Variants in CEP63 observed in about 807,000 individuals in gnomAD.
The protein encoded by CEP63 is centrosomal protein of 63 kDa.
Under a neutral mutation model 89.1 loss-of-function variants are expected in CEP63, and 84 were observed. The ratio of observed to expected loss-of-function variants is 0.94; its 90% CI spans 0.79 to 1.13. The LOEUF is 1.13. CEP63 is among the 50% of genes most tolerant of loss of function. The probability of loss-of-function intolerance (pLI) is 0.00; values close to 1 mark genes in which losing one functional copy is unlikely to be tolerated. For synonymous variants in CEP63, 267 were observed against 272.5 expected, an observed-to-expected ratio of 0.98 and a Z score of 0.20; for missense variants, 838 against 813.3, an observed-to-expected ratio of 1.03 and a Z score of -0.37.
chr3:134,757,419 GA>G, the CEP63 span, among the ~76,000 whole-genome samples: 1 of 152,198 alleles, frequency 6.6e-6, no homozygotes, highest in Non-Finnish European at 1.5e-5. Context: ...CAAACAGTTA[GA>G]CTCTGGGCTA....
chr3:134,690,687 T>G, the CEP63 span, among the ~76,000 whole-genome samples: 1 of 151,976 alleles, frequency 6.6e-6, no homozygotes, highest in African/African-American at 2.4e-5. Flanking sequence ...CCAAAGAACT[T>G]TTTAAAAATG....
At chr3:134,604,015 C>T in the CEP63 span, 56 of 1,613,844 alleles carry the variant, frequency 3.5e-5, no homozygotes, top group African/African-American at 8.0e-5. Context: ...CTGCTTCTCC[C>T]GGTGCAGCTG....
the CEP63 span, among the ~76,000 whole-genome samples, chr3:134,751,481 A>G: frequency 6.6e-6 from 1 of 152,252 alleles, no homozygotes; most frequent in East Asian, 1.9e-4. Context: ...ACCCCACTAG[A>G]CTTCCCAGGG....
chr3:134,769,851 G>A, the CEP63 span, among the ~76,000 whole-genome samples: 4 of 152,212 alleles, frequency 2.6e-5, no homozygotes, highest in African/African-American at 9.6e-5. Context: ...TGACATACAG[G>A]TGTATATCAA....
At chr3:134,720,694 A>G in the CEP63 span, among the ~76,000 whole-genome samples, 2 of 152,120 alleles carry the variant, frequency 1.3e-5, no homozygotes, top group Non-Finnish European at 2.9e-5. Context: ...TCTTTTGCAT[A>G]TGGAAATCCA....
chr3:134,495,787 G>T (rs1474728776), intron 2 of CEP63, among the ~76,000 whole-genome samples: 1 of 152,094 alleles, frequency 6.6e-6, no homozygotes, highest in East Asian at 1.9e-4. Flanking sequence ...CCTCCATGAG[G>T]TGAACTTTTT....
chr3:134,612,407 T>G, the CEP63 span, among the ~76,000 whole-genome samples: 1 of 152,098 alleles, frequency 6.6e-6, no homozygotes, highest in South Asian at 2.1e-4. Context: ...TGGAGTGCTC[T>G]CTCCTCATTT....
the CEP63 span, among the ~76,000 whole-genome samples, chr3:134,613,721 T>C: frequency 2.0e-5 from 3 of 152,256 alleles, no homozygotes; most frequent in Non-Finnish European, 4.4e-5. Context: ...GATATTTTAT[T>C]ACCTGGCAGC....
the CEP63 span, among the ~76,000 whole-genome samples, chr3:134,763,757 C>T: frequency 6.6e-6 from 1 of 152,202 alleles, no homozygotes; most frequent in Admixed American, 6.5e-5. Context: ...CCACTCTGAC[C>T]TTTGGCCTGA....
intron 3 of CEP63, among the ~76,000 whole-genome samples, chr3:134,521,764 A>G (rs1263898693): frequency 6.6e-6 from 1 of 152,198 alleles, no homozygotes; most frequent in African/African-American, 2.4e-5. Context: ...ATAAGAATCA[A>G]TAGTCCAATT....
the CEP63 span, among the ~76,000 whole-genome samples, chr3:134,694,349 A>C: frequency 6.6e-6 from 1 of 152,198 alleles, no homozygotes; most frequent in South Asian, 2.1e-4. Flanking sequence ...TGGCTGCAGA[A>C]GATGCCTAAT....
intron 7 of CEP63, 147 bp from the exon 8 acceptor site, chr3:134,546,002 T>C: frequency 1.1e-6 from 1 of 887,680 alleles, no homozygotes; most frequent in Non-Finnish European, 1.7e-6. Flanking sequence ...ATTGTAATAT[T>C]GTTACGTAAC....
chr3:134,537,176 G>T lies in CEP63; in HGVS notation c.463G>T (p.Asp155Tyr). The T allele has an allele frequency of 6.2e-7, 1 of 1,613,546 alleles. No individual in the cohort carries two copies. The highest frequency in any genetic ancestry group is 8.5e-7 in the Non-Finnish European group (1 of 1,179,496). ...KIEEFRQKSL[D>Y]WEKQRLIYQQ... ...TCAGGAATTCCGTCAGAAATCGCTGGACTGGGAGAAGCAACGCTTGATTTA... is the reference window on the plus strand; with the variant it reads ...TCAGGAATTCCGTCAGAAATCGCTGTACTGGGAGAAGCAACGCTTGATTTA... The change falls in exon 6 of 15, where the codon GAC becomes TAC. Residue 155 changes from aspartate to tyrosine, a missense_variant. Physicochemically the swap from Asp to Tyr is radical, Grantham distance 160. Transcript: ENST00000675561.
At chr3:134,685,479 G>T in the CEP63 span, among the ~76,000 whole-genome samples, 13 of 152,182 alleles carry the variant, frequency 8.5e-5, no homozygotes, top group African/African-American at 3.1e-4. Flanking sequence ...CATGTGGCTG[G>T]TAGCTCTGTG....
At chr3:134,664,473 T>C in the CEP63 span, among the ~76,000 whole-genome samples, 1 of 152,102 alleles carries the variant, frequency 6.6e-6, no homozygotes, top group Non-Finnish European at 1.5e-5. Context: ...TCTCTGGCAT[T>C]TGGGATGGGA....
At chr3:134,743,342 C>T in the CEP63 span, among the ~76,000 whole-genome samples, 10 of 152,170 alleles carry the variant, frequency 6.6e-5, no homozygotes, top group Non-Finnish European at 1.5e-4. Context: ...CAGGGAACCT[C>T]CTTCAAAAAT....
intron 1 of CEP63, among the ~76,000 whole-genome samples, chr3:134,494,772 C>T (rs543481255): frequency 2.0e-5 from 3 of 152,196 alleles, no homozygotes; most frequent in South Asian, 2.1e-4. Flanking sequence ...GGCTGCCTTT[C>T]GGTGGAGAGA....
chr3:134,572,979 A>C (rs1429876231), intron 11 of CEP63, among the ~76,000 whole-genome samples: 2 of 152,080 alleles, frequency 1.3e-5, no homozygotes, highest in Admixed American at 1.3e-4. Context: ...TTATCTCAGT[A>C]TGGTTTTCTT....
intron 6 of CEP63, among the ~76,000 whole-genome samples, chr3:134,539,336 A>G (rs1951521623): frequency 6.6e-6 from 1 of 152,204 alleles, no homozygotes; most frequent in Admixed American, 6.5e-5. Flanking sequence ...ACAGATCTCT[A>G]GAACTTTTTT....
Sources: gnomAD v4.1 joint callset for allele counts (sites outside exome capture counted in the v4.1 genomes callset) on GRCh38, gnomAD v4.1.1 for gene constraint, MANE v1.5 for transcripts, NCBI Gene and HGNC (gene_info 2026-07-23, HGNC 2026-07-21) for gene names.